MACROD1: variants seen among roughly 807,000 people sequenced by gnomAD.
MACROD1 encodes mono-ADP ribosylhydrolase 1, also known as ADP-ribose glycohydrolase MACROD1.
Under a neutral mutation model 41.4 loss-of-function variants are expected in MACROD1, and 31 were observed. The observed-to-expected ratio is 0.75, with a 90% CI of 0.56 to 1.01. MACROD1 has a LOEUF of 1.01. MACROD1 is among the 50% of genes least tolerant of loss of function. The pLI, the probability that MACROD1 is intolerant of heterozygous loss-of-function variation, is 0.00. For synonymous variants in MACROD1, 252 were observed against 203.4 expected, an observed-to-expected ratio of 1.24 and a Z score of -2.03; for missense variants, 473 against 460.0, an observed-to-expected ratio of 1.03 and a Z score of -0.26.
intron 3 of MACROD1, among the ~76,000 whole-genome samples, chr11:64,044,584 C>T (rs528697545): frequency 6.6e-6 from 1 of 152,210 alleles, no homozygotes; most frequent in Non-Finnish European, 1.5e-5. Flanking sequence ...CTGATTTTAC[C>T]CCAGGGGTAA....
chr11:64,007,742 GC>G (rs1461550515), intron 4 of MACROD1, among the ~76,000 whole-genome samples: 1 of 152,058 alleles, frequency 6.6e-6, no homozygotes, highest in Non-Finnish European at 1.5e-5. Context: ...ACAGCCCCAC[GC>G]CAGAGGGTCC....
chr11:64,093,105 G>C (rs927751162), intron 3 of MACROD1, among the ~76,000 whole-genome samples: 10 of 152,192 alleles, frequency 6.6e-5, no homozygotes, highest in African/African-American at 2.4e-4. Flanking sequence ...CCCTGGGCAG[G>C]CTCCTGAATA....
At chr11:63,998,726 C>T (rs1942758199) in intron 10 of MACROD1, 39 bp from the exon 11 acceptor site, 23 of 1,412,660 alleles carry the variant, frequency 1.6e-5, no homozygotes, top group African/African-American at 2.9e-5. Flanking sequence ...TATGGGCGTC[C>T]CCGACCTCCC....
At chr11:64,008,386 G>C (rs1050928169) in intron 4 of MACROD1, among the ~76,000 whole-genome samples, 3 of 151,466 alleles carry the variant, frequency 2.0e-5, no homozygotes, top group Middle Eastern at 3.2e-3. Flanking sequence ...GGGAGTCTGC[G>C]GTGGGGCCTG....
chr11:64,044,809 G>T (rs1254229744), intron 3 of MACROD1, among the ~76,000 whole-genome samples: 1 of 152,108 alleles, frequency 6.6e-6, no homozygotes, highest in Non-Finnish European at 1.5e-5. Context: ...ACCTGCCCAG[G>T]ACCTCTGAGC....
chr11:64,031,841 A>G (rs1298077323), intron 3 of MACROD1, among the ~76,000 whole-genome samples: 3 of 152,198 alleles, frequency 2.0e-5, no homozygotes, highest in Non-Finnish European at 4.4e-5. Flanking sequence ...CAGCCCGCCT[A>G]TCCAGAGGTT....
intron 3 of MACROD1, among the ~76,000 whole-genome samples, chr11:64,080,099 G>A (rs917350257): frequency 4.6e-5 from 7 of 152,100 alleles, no homozygotes; most frequent in Non-Finnish European, 7.4e-5. Context: ...TGCAACCTCC[G>A]CCTCCCAGGT....
intron 3 of MACROD1, among the ~76,000 whole-genome samples, chr11:64,113,189 G>A (rs1238562571): frequency 1.3e-5 from 2 of 152,246 alleles, no homozygotes; most frequent in Non-Finnish European, 2.9e-5. Context: ...GGGATTAAGG[G>A]CACTGACCTC....
chr11:64,129,726 G>A (rs1405508673), intron 3 of MACROD1, among the ~76,000 whole-genome samples: 1 of 152,302 alleles, frequency 6.6e-6, no homozygotes, highest in East Asian at 1.9e-4. Context: ...CCAGGTCCAC[G>A]GCCTGCTGAA....
intron 3 of MACROD1, chr11:64,103,946 A>T (rs1420706234): frequency 1.3e-5 from 2 of 152,318 alleles, no homozygotes; most frequent in South Asian, 2.1e-4. Context: ...AGACCAGGAT[A>T]CCGAGGCACC....
rs1945075464 is a variant in MACROD1 at position 64,120,244 on chromosome 11, C to A, written c.517+30995G>T. 6.6e-6 allele frequency among the ~76,000 whole-genome samples: 1 copy of A among 152,180 alleles called. No homozygotes were observed. Among genetic ancestry groups the A allele is most frequent in the Non-Finnish European group, 1.5e-5 (1 of 68,036 alleles). On this transcript the variant is annotated intron_variant, in intron 3 of 10. Transcript: ENST00000255681. This position sits in a 1 kb window ranked among gnomAD's most constrained non-coding sequence, Gnocchi z 4.5. ...GGGGGGGCTAGCCCACGAAATAGGTCCACTCCCCAGCCCTGGGGAACAGCC... is the reference window on the plus strand; with the variant it reads ...GGGGGGGCTAGCCCACGAAATAGGTACACTCCCCAGCCCTGGGGAACAGCC...
At chr11:64,085,591 C>A (rs1944380228) in intron 3 of MACROD1, among the ~76,000 whole-genome samples, 1 of 152,226 alleles carries the variant, frequency 6.6e-6, no homozygotes, top group Non-Finnish European at 1.5e-5. Flanking sequence ...CCCCAGGCCG[C>A]AGCGTGGGCC....
Position 63,998,670 on chromosome 11 carries a change from G to A in MACROD1, c.*48C>T, listed in dbSNP as rs753854154. ...TTGGCGACCTCTCAGAGCTGGGAGC[G>A]GGGTCCCGAAGGCGGGTCTGAGGGC... is the stretch of plus-strand genomic sequence containing the variant. On this transcript the variant is annotated 3_prime_UTR_variant, in exon 11 of 11. Coordinates refer to ENST00000255681, the MANE Select transcript of MACROD1 (RefSeq NM_014067.4). The A allele has an allele frequency of 3.0e-6, 4 of 1,334,178 alleles. No individual in the cohort carries two copies. The highest frequency in any genetic ancestry group is 3.8e-6 in the Non-Finnish European group (4 of 1,045,918). 82.6% of individuals were successfully genotyped at this position (1,334,178 alleles called of 1,614,324 possible).
chr11:64,141,738 G>A (rs1045859923), intron 3 of MACROD1, among the ~76,000 whole-genome samples: 1 of 152,242 alleles, frequency 6.6e-6, no homozygotes, highest in African/African-American at 2.4e-5. Context: ...CTCAAGGACA[G>A]GAAGGAGCCA....
At chr11:64,001,351 C>T (rs1942822392) in intron 4 of MACROD1, 2 of 688,116 alleles carry the variant, frequency 2.9e-6, no homozygotes, top group South Asian at 1.5e-5. Context: ...GGACAGGGCC[C>T]ATCTTTGGCA....
intron 3 of MACROD1, among the ~76,000 whole-genome samples, chr11:64,042,539 T>C (rs1943507652): frequency 1.3e-5 from 2 of 152,226 alleles, no homozygotes; most frequent in South Asian, 4.1e-4. Flanking sequence ...AGCAGTCAGG[T>C]AGGCTCTGGG....
chr11:64,109,866 C>G (rs755784868), intron 3 of MACROD1, among the ~76,000 whole-genome samples: 1 of 152,058 alleles, frequency 6.6e-6, no homozygotes, highest in Non-Finnish European at 1.5e-5. Context: ...TCAGCCTGTC[C>G]GGAAGGCACA....
rs1943158051 is a variant in MACROD1, at chr11:64,021,920, A to AGTGGCAGG, written c.518-6647_518-6640dup. Reference sequence around the variant, plus strand: ...AGAGGCCGAGAAGGAAATGCAAGGGAGTGGCAGGGGGCCGGGGGGGGGGGG... The same window carrying AGTGGCAGG: ...AGAGGCCGAGAAGGAAATGCAAGGGAGTGGCAGGGTGGCAGGGGGCCGGGGGGGGGGGG... On this transcript the variant is annotated intron_variant, in intron 3 of 10. Transcript: ENST00000255681. Among the ~76,000 whole-genome samples the AGTGGCAGG allele has an allele frequency of 6.4e-5, 3 of 46,988 alleles. No individual in the cohort carries two copies. The Admixed American group carries it at 8.4e-4, about 13-fold the overall frequency. 30.8% of individuals were successfully genotyped at this position (46,988 alleles called of 152,430 possible). A position where few individuals can be genotyped will look rare whatever the true frequency, so the allele number is the denominator to read the frequency against.
chr11:64,110,032 G>A (rs1364619348), intron 3 of MACROD1, among the ~76,000 whole-genome samples: 2 of 152,056 alleles, frequency 1.3e-5, no homozygotes, highest in Non-Finnish European at 2.9e-5. Flanking sequence ...TCAGGAGGGG[G>A]TACTCTGCAC....
Sources: allele counts gnomAD v4.1 joint callset (sites outside exome capture counted in the v4.1 genomes callset), GRCh38; gene constraint gnomAD v4.1.1; non-coding constraint Gnocchi (gnomAD v3.1); transcripts MANE v1.5; gene names NCBI Gene and HGNC (gene_info 2026-07-23, HGNC 2026-07-21).